Variants in BRINP3 observed in about 807,000 individuals in gnomAD.
BRINP3 encodes the protein BMP/retinoic acid inducible neural specific 3.
A neutral mutation model predicts 71.0 loss-of-function variants in BRINP3; 19 were observed. That is an observed-to-expected ratio of 0.27 (90% confidence interval 0.19 to 0.39). BRINP3 has a LOEUF of 0.39. Among genes scored for constraint, BRINP3 ranks in the 10% least tolerant of loss-of-function variants. The probability of loss-of-function intolerance (pLI) is 1.00; values close to 1 mark genes in which losing one functional copy is unlikely to be tolerated. For missense variants in BRINP3, 959 were observed against 940.8 expected, an observed-to-expected ratio of 1.02 and a Z score of -0.25; for synonymous variants, 380 against 337.7, an observed-to-expected ratio of 1.13 and a Z score of -1.37.
intron 2 of BRINP3, among the ~76,000 whole-genome samples, chr1:190,359,018 G>A (rs931698020): frequency 3.3e-5 from 5 of 151,972 alleles, no homozygotes; most frequent in Non-Finnish European, 7.4e-5. Context: ...TTGTGGGGTG[G>A]GGGGAGAGGG....
At chr1:190,235,604 T>A (rs1464417160) in intron 4 of BRINP3, among the ~76,000 whole-genome samples, 1 of 152,026 alleles carries the variant, frequency 6.6e-6, no homozygotes, top group Non-Finnish European at 1.5e-5. Context: ...CTCTTATTTA[T>A]TCTGTCTTGC....
chr1:190,451,435 G>A (rs1397349913), intron 2 of BRINP3, among the ~76,000 whole-genome samples: 2 of 152,156 alleles, frequency 1.3e-5, no homozygotes, highest in African/African-American at 4.8e-5. Context: ...ACAGCCTGAG[G>A]ATAGTGTTTC....
intron 3 of BRINP3, among the ~76,000 whole-genome samples, chr1:190,279,327 A>G (rs1571614886): frequency 1.3e-5 from 2 of 151,966 alleles, no homozygotes; most frequent in African/African-American, 4.8e-5. Flanking sequence ...TCAATGCATC[A>G]CATACTTAAA....
intron 2 of BRINP3, among the ~76,000 whole-genome samples, chr1:190,395,018 A>G (rs1671480694): frequency 6.6e-6 from 1 of 151,716 alleles, no homozygotes; most frequent in South Asian, 2.1e-4. Flanking sequence ...CTTTTAATAC[A>G]CAAAAGTTTA....
At chr1:190,362,181 G>A (rs1224861769) in intron 2 of BRINP3, 1 of 152,072 alleles carries the variant, frequency 6.6e-6, no homozygotes, top group East Asian at 1.9e-4. Flanking sequence ...GAACTTCAAA[G>A]AAACAAAAGT....
intron 4 of BRINP3, among the ~76,000 whole-genome samples, chr1:190,236,591 G>A (rs1188510106): frequency 2.0e-5 from 3 of 151,856 alleles, no homozygotes; most frequent in African/African-American, 7.2e-5. Context: ...TTTATCATGG[G>A]CAAAGAATTA....
chr1:190,285,507 G>A (rs1663352509), intron 2 of BRINP3, among the ~76,000 whole-genome samples: 2 of 152,086 alleles, frequency 1.3e-5, no homozygotes, highest in South Asian at 2.1e-4. Flanking sequence ...GCTGAGGTGG[G>A]AGAATCACTT....
intron 6 of BRINP3, among the ~76,000 whole-genome samples, chr1:190,181,131 G>T (rs571147667): frequency 6.6e-6 from 1 of 152,140 alleles, no homozygotes; most frequent in South Asian, 2.1e-4. Flanking sequence ...AATTTTGAAA[G>T]TGTAATACAC....
In BRINP3 at chr1:190,228,841, A is replaced by C. The variant is rs1349476904; in HGVS notation, c.725-2523T>G. Among the ~76,000 whole-genome samples, 7 of 152,034 alleles carry C rather than the reference A, an allele frequency of 4.6e-5. No individual in the cohort carries two copies. The East Asian group carries it at 9.7e-4, about 21-fold the overall frequency. Reference sequence around the variant, plus strand: ...ACAGGAAAGCAGGAATACTGACAGCACTATATTTAGACCAGGTCTACCTAG... The same window carrying C: ...ACAGGAAAGCAGGAATACTGACAGCCCTATATTTAGACCAGGTCTACCTAG... On this transcript the variant is annotated intron_variant, in intron 5 of 7. Coordinates refer to ENST00000367462, the MANE Select transcript of BRINP3 (RefSeq NM_199051.3).
chr1:190,451,534 A>G (rs971019732), intron 2 of BRINP3, among the ~76,000 whole-genome samples: 1 of 152,192 alleles, frequency 6.6e-6, no homozygotes, highest in Admixed American at 6.5e-5. Context: ...AAATTTCTCC[A>G]GGAATAGCTC....
At chr1:190,127,293 C>T (rs1654164498) in intron 7 of BRINP3, among the ~76,000 whole-genome samples, 1 of 151,682 alleles carries the variant, frequency 6.6e-6, no homozygotes, top group Non-Finnish European at 1.5e-5. Context: ...AAGTGAGAAA[C>T]ACCTAATAGA....
chr1:190,353,397 A>G (rs1668527451), intron 2 of BRINP3, among the ~76,000 whole-genome samples: 1 of 152,058 alleles, frequency 6.6e-6, no homozygotes, highest in African/African-American at 2.4e-5. Flanking sequence ...TTTGAAAGTG[A>G]GAAGATGCTA....
At chr1:190,464,601 A>G (rs1676616175) in intron 1 of BRINP3, among the ~76,000 whole-genome samples, 1 of 151,974 alleles carries the variant, frequency 6.6e-6, no homozygotes, top group Non-Finnish European at 1.5e-5. Context: ...TAACTTTATA[A>G]AGAATAAATA....
chr1:190,192,763 A>G (rs1448636762), intron 6 of BRINP3, among the ~76,000 whole-genome samples: 2 of 152,146 alleles, frequency 1.3e-5, no homozygotes, highest in Non-Finnish European at 2.9e-5. Flanking sequence ...TAATAAATAA[A>G]GAGATAGAGA....
intron 4 of BRINP3, among the ~76,000 whole-genome samples, chr1:190,262,799 G>T (rs951336063): frequency 6.6e-6 from 1 of 151,950 alleles, no homozygotes; most frequent in Non-Finnish European, 1.5e-5. Context: ...CTAGATTATA[G>T]ACTTAATGAA....
chr1:190,259,824 G>A (rs1318047060), intron 4 of BRINP3, among the ~76,000 whole-genome samples: 1 of 151,672 alleles, frequency 6.6e-6, no homozygotes. Flanking sequence ...GAGGTCAGGA[G>A]TTCAAGACCA....
intron 2 of BRINP3, among the ~76,000 whole-genome samples, chr1:190,365,639 T>G (rs1411343880): frequency 7.0e-6 from 1 of 143,764 alleles, no homozygotes; most frequent in East Asian, 2.0e-4. Context: ...ATAATTGTAA[T>G]ATAATGATAT....
intron 1 of BRINP3, among the ~76,000 whole-genome samples, chr1:190,463,842 TAGCC>T (rs1447072053): frequency 6.6e-6 from 1 of 151,914 alleles, no homozygotes; most frequent in African/African-American, 2.4e-5. Flanking sequence ...AATTTTTAGA[TAGCC>T]AGCAAACTAA....
Position 190,245,481 on chromosome 1 carries a change from T to C in BRINP3, c.619-11004A>G, listed in dbSNP as rs1227141300. Among the ~76,000 whole-genome samples, 3 of 152,080 alleles carry C rather than the reference T, an allele frequency of 2.0e-5. No homozygotes were observed. The East Asian group carries it at 5.8e-4, about 29-fold the overall frequency. The stretch of plus-strand genomic sequence containing the variant: ...CTGGCCCAAACTCTCTGCAATATTA[T>C]AATCATATTATGCAGTGCTGCCCAC... On this transcript the variant is annotated intron_variant, in intron 4 of 7. Transcript: ENST00000367462.
Sources: gnomAD v4.1 joint callset for allele counts (sites outside exome capture counted in the v4.1 genomes callset) on GRCh38, gnomAD v4.1.1 for gene constraint, MANE v1.5 for transcripts, NCBI Gene and HGNC (gene_info 2026-07-23, HGNC 2026-07-21) for gene names.